CYS1: variants seen among roughly 807,000 people sequenced by gnomAD.
The protein encoded by CYS1 is cystin-1.
A neutral mutation model predicts 9.6 loss-of-function variants in CYS1; 5 were observed. The observed-to-expected ratio is 0.52, with a 90% CI of 0.27 to 1.10. The LOEUF (loss-of-function observed/expected upper bound fraction) is 1.10. Ranked by LOEUF, CYS1 falls within the 50% of genes least tolerant of loss-of-function variation. CYS1 has a pLI of 0.11. For synonymous variants in CYS1, 88 were observed against 95.7 expected (o/e 0.92, Z 0.47); for missense variants, 221 against 207.9 (o/e 1.06, Z -0.39).
At chr2:10,072,239 C>T (rs1661777370) in intron 1 of CYS1, among the ~76,000 whole-genome samples, 1 of 152,148 alleles carries the variant, frequency 6.6e-6, no homozygotes, top group Non-Finnish European at 1.5e-5. Context: ...TCCGCCACCA[C>T]ACCTGGCTAA....
chr2:10,077,715 G>A (rs548553338), intron 1 of CYS1, among the ~76,000 whole-genome samples: 7 of 152,108 alleles, frequency 4.6e-5, no homozygotes, highest in South Asian at 2.1e-4. Flanking sequence ...GTATGCAGGC[G>A]TTATCTGAAA....
chr2:10,073,219 C>A (rs397897126), intron 1 of CYS1, among the ~76,000 whole-genome samples: 1 of 146,754 alleles, frequency 6.8e-6, no homozygotes, highest in East Asian at 2.0e-4. Context: ...GCCCCCCCCC[C>A]CCCCCCGGCT....
At chr2:10,066,855 G>C (rs1203459870) in intron 1 of CYS1, among the ~76,000 whole-genome samples, 2 of 152,056 alleles carry the variant, frequency 1.3e-5, no homozygotes, top group Non-Finnish European at 2.9e-5. Flanking sequence ...ATTTTTCTAG[G>C]GTTGTATTAA....
At chr2:10,077,794 A>T (rs1661875608) in intron 1 of CYS1, among the ~76,000 whole-genome samples, 1 of 152,192 alleles carries the variant, frequency 6.6e-6, no homozygotes, top group Admixed American at 6.5e-5. Context: ...CATTTATTCA[A>T]GAAATATTTA....
At chr2:10,079,810 GCGCAGCGCGAC>G in intron 1 of CYS1, 85 bp downstream of exon 1, 1 of 788,264 alleles carries the variant, frequency 1.3e-6, no homozygotes, top group Non-Finnish European at 1.6e-6. Context: ...CTGGAAGGGG[GCGCAGCGCGAC>G]CGGCGCCCAG....
intron 1 of CYS1, among the ~76,000 whole-genome samples, chr2:10,074,881 G>A (rs1309615626): frequency 6.6e-6 from 1 of 152,196 alleles, no homozygotes; most frequent in African/African-American, 2.4e-5. Flanking sequence ...GGAGGCTGAG[G>A]CGGATGGATC....
intron 1 of CYS1, among the ~76,000 whole-genome samples, chr2:10,078,481 T>C (rs1047795092): frequency 6.6e-6 from 1 of 152,198 alleles, no homozygotes; most frequent in East Asian, 1.9e-4. Flanking sequence ...TCCTAAGACC[T>C]CTCTGACCCA....
intron 1 of CYS1, among the ~76,000 whole-genome samples, chr2:10,071,927 T>C (rs893537039): frequency 4.6e-5 from 7 of 152,040 alleles, no homozygotes; most frequent in Admixed American, 2.0e-4. Context: ...GTGCGAGGGG[T>C]GTGTGTCATC....
chr2:10,072,051 C>T, intron 1 of CYS1, among the ~76,000 whole-genome samples: 1 of 151,512 alleles, frequency 6.6e-6, no homozygotes. Flanking sequence ...ACTCTTAAAA[C>T]TAAAGTTTTC....
chr2:10,072,417 C>T (rs1295952941), intron 1 of CYS1, among the ~76,000 whole-genome samples: 3 of 152,222 alleles, frequency 2.0e-5, no homozygotes, highest in African/African-American at 7.2e-5. Flanking sequence ...AAATCCACTG[C>T]ATATTTACCC....
chr2:10,064,637 T>C (rs993094352), intron 2 of CYS1, among the ~76,000 whole-genome samples: 5 of 152,178 alleles, frequency 3.3e-5, no homozygotes, highest in African/African-American at 1.2e-4. Context: ...CCACACAGTG[T>C]CCCAGGAGCC....
intron 2 of CYS1, among the ~76,000 whole-genome samples, chr2:10,059,222 G>C (rs1363783318): frequency 6.6e-6 from 1 of 152,286 alleles, no homozygotes; most frequent in East Asian, 1.9e-4. Flanking sequence ...GCTCTGGGGT[G>C]GGAAGACCGA....
chr2:10,058,901 G>A lies in CYS1; in HGVS notation c.429C>T (p.His143=), dbSNP rs1448733981. The A allele has an allele frequency of 1.3e-6, 2 of 1,596,008 alleles. No homozygotes were observed. The highest frequency in any genetic ancestry group is 8.5e-7 in the Non-Finnish European group (1 of 1,171,836). Residue 143 remains histidine, a synonymous_variant, in exon 3 of 3, where the codon CAC becomes CAT. Coordinates refer to ENST00000381813, the MANE Select transcript of CYS1 (RefSeq NM_001037160.3). ...TGCTCGCCATCAGCCCCTCTTCCGA[G>A]TGGTCGTAGGAGATGGCTGCCGGCC... The part of the protein sequence containing the change: ...PERPAAISYD[H]SEEGLMASIE...
chr2:10,070,788 C>A (rs182630556), intron 1 of CYS1, among the ~76,000 whole-genome samples: 3 of 151,706 alleles, frequency 2.0e-5, no homozygotes, highest in African/African-American at 4.8e-5. Flanking sequence ...AAACTACAGG[C>A]ACATGCCACC....
In CYS1 at chr2:10,079,943, G is replaced by T. The variant is rs1369662456; in HGVS notation, c.281C>A (p.Pro94Gln). 1.3e-5 allele frequency: 15 copies of T among 1,119,830 alleles called. No homozygotes were observed. The highest frequency in any genetic ancestry group is 1.5e-5 in the Non-Finnish European group (14 of 916,162). 69.4% of individuals were successfully genotyped at this position (1,119,830 alleles called of 1,614,324 possible). A position where few individuals can be genotyped will look rare whatever the true frequency, so the allele number is the denominator to read the frequency against. The change falls in exon 1 of 3, where the codon CCA becomes CAA. Residue 94 changes from proline (P) to glutamine (Q), a missense_variant. By Grantham distance (76) the Pro-to-Gln change is moderately conservative. Coordinates refer to ENST00000381813, the MANE Select transcript of CYS1 (RefSeq NM_001037160.3). ...GACCGCGGTGGGTCGGAGCCGGGCT[G>T]GGCGGCGCGGGGCGGGCTCCGGGGG... ...WGPPEPAPRR[P>Q]ARLRPTAVAG... is the part of the protein sequence containing the mutation.
intron 2 of CYS1, among the ~76,000 whole-genome samples, chr2:10,061,810 T>C (rs1661632545): frequency 6.6e-6 from 1 of 152,060 alleles, no homozygotes; most frequent in Non-Finnish European, 1.5e-5. Context: ...CGTGGGGCAA[T>C]TTGTGGGGCT....
intron 1 of CYS1, among the ~76,000 whole-genome samples, chr2:10,078,473 C>A (rs1032366312): frequency 6.6e-6 from 1 of 152,234 alleles, no homozygotes; most frequent in Admixed American, 6.5e-5. Flanking sequence ...GCATACTCTC[C>A]TAAGACCTCT....
chr2:10,062,797 C>A (rs1429309246), intron 2 of CYS1, among the ~76,000 whole-genome samples: 1 of 152,208 alleles, frequency 6.6e-6, no homozygotes, highest in Non-Finnish European at 1.5e-5. Context: ...GGAGGAGTAA[C>A]CTCTCTCACC....
At position 10,060,760 on chromosome 2, in the gene CYS1, T is replaced by C. The variant is rs528894887; in HGVS notation, c.372-1802A>G. ...ACCTGGCTCTGCCACGCAGTCGCTG[T>C]GTGGCTGTGGGCAAGGCATGTACCA... On this transcript the variant is annotated intron_variant, in intron 2 of 2. Coordinates refer to ENST00000381813, the MANE Select transcript of CYS1 (RefSeq NM_001037160.3). Among the ~76,000 whole-genome samples the C allele has an allele frequency of 6.7e-4, 102 of 152,336 alleles. 1 individual carries two copies. The highest frequency in any genetic ancestry group is 6.8e-3 in the Middle Eastern group (2 of 294).
Sources: allele counts gnomAD v4.1 joint callset (sites outside exome capture counted in the v4.1 genomes callset), GRCh38; gene constraint gnomAD v4.1.1; transcripts MANE v1.5; gene names NCBI Gene and HGNC (gene_info 2026-07-23, HGNC 2026-07-21).